The following HSPA12A variants were observed in gnomAD, a reference collection of about 807,000 sequenced individuals.
The protein encoded by HSPA12A is heat shock 70 kDa protein 12A.
In HSPA12A, 28 loss-of-function variants were observed where a neutral mutation model predicts 69.2. That is an observed-to-expected ratio of 0.40 (90% CI 0.30 to 0.55). HSPA12A has a LOEUF of 0.55. Among genes scored for constraint, HSPA12A ranks in the 20% least tolerant of loss-of-function variants. HSPA12A has a pLI of 0.38. For synonymous variants in HSPA12A, 345 were observed against 370.5 expected (o/e 0.93, Z 0.79); for missense variants, 686 against 900.7 (o/e 0.76, Z 3.05).
chr10:116,763,063 A>G (rs1844006143), intron 2 of HSPA12A, among the ~76,000 whole-genome samples: 1 of 152,210 alleles, frequency 6.6e-6, no homozygotes, highest in Non-Finnish European at 1.5e-5. Context: ...TCTTAAGGAC[A>G]GTAGCTACAT....
intron 1 of HSPA12A, among the ~76,000 whole-genome samples, chr10:116,742,138 C>A (rs1325489720): frequency 6.6e-6 from 1 of 151,990 alleles, no homozygotes; most frequent in Non-Finnish European, 1.5e-5. Context: ...GCAGGAGGCG[C>A]CACCCGAGGC....
intron 2 of HSPA12A, among the ~76,000 whole-genome samples, chr10:116,783,611 G>T (rs1423555303): frequency 6.6e-6 from 1 of 152,196 alleles, no homozygotes; most frequent in Non-Finnish European, 1.5e-5. Context: ...CATAAACTGG[G>T]GCACATTCTT....
intron 5 of HSPA12A, chr10:116,698,111 A>G (rs1432816818): frequency 1.3e-5 from 2 of 152,372 alleles, no homozygotes; most frequent in South Asian, 2.1e-4. Context: ...TTCTCCATTC[A>G]TCAGTGGATG....
intron 2 of HSPA12A, among the ~76,000 whole-genome samples, chr10:116,770,202 C>A (rs1589695065): frequency 6.6e-6 from 1 of 152,290 alleles, no homozygotes; most frequent in Admixed American, 6.5e-5. Flanking sequence ...CATGGTCACA[C>A]AGACACCAAA....
upstream of HSPA12A, among the ~76,000 whole-genome samples, chr10:116,743,006 C>A (rs1564805540): frequency 6.6e-6 from 1 of 152,220 alleles, no homozygotes; most frequent in East Asian, 2.0e-4. Flanking sequence ...GTCTGTCCCC[C>A]AGGGTCCCAG....
chr10:116,821,607 T>G (rs1845410379), intron 2 of HSPA12A, among the ~76,000 whole-genome samples: 1 of 152,274 alleles, frequency 6.6e-6, no homozygotes, highest in African/African-American at 2.4e-5. Context: ...GGCAGGGATT[T>G]GTACTTTTAT....
intron 1 of HSPA12A, among the ~76,000 whole-genome samples, chr10:116,711,530 C>T (rs1443380735): frequency 1.3e-5 from 2 of 152,092 alleles, no homozygotes; most frequent in African/African-American, 4.8e-5. Flanking sequence ...CAGCACCGTT[C>T]CAAGTAGATT....
At chr10:116,829,012 A>G (rs1845562148) in intron 2 of HSPA12A, 1 of 152,164 alleles carries the variant, frequency 6.6e-6, no homozygotes, top group Non-Finnish European at 1.5e-5. Context: ...CATTTTTAAG[A>G]GAGAAGTTTG....
chr10:116,745,158 G>A (rs1554887717), upstream of HSPA12A, among the ~76,000 whole-genome samples: 1 of 152,270 alleles, frequency 6.6e-6, no homozygotes, highest in Non-Finnish European at 1.5e-5. Flanking sequence ...AGTCCCAGGA[G>A]AGCAAGATCG....
chr10:116,818,933 T>C lies in HSPA12A; in HGVS notation c.91+16002A>G, dbSNP rs961438719. 1.2e-3 allele frequency among the ~76,000 whole-genome samples: 176 copies of C among 152,262 alleles called. 1 individual carries two copies. The highest frequency in any genetic ancestry group is 5.9e-5 in the Non-Finnish European group (4 of 68,024). ...AAGGGCACCCTTCCTGCTTCCAGGC[T>C]TGTACCTTGACCTTCTCTGTTAACC... On this transcript the variant is annotated intron_variant, in intron 2 of 12. Transcript: ENST00000635765.
chr10:116,806,921 AC>A (rs1299592672), intron 2 of HSPA12A, among the ~76,000 whole-genome samples: 2 of 152,208 alleles, frequency 1.3e-5, no homozygotes, highest in Non-Finnish European at 2.9e-5. Flanking sequence ...GTCCTGGGTT[AC>A]CCAGTTATAA....
chr10:116,763,047 C>T (rs532283593), intron 2 of HSPA12A, among the ~76,000 whole-genome samples: 72 of 152,222 alleles, frequency 4.7e-4, no homozygotes, highest in Non-Finnish European at 6.3e-4. Context: ...CACTCAGCTG[C>T]CACCATCTTA....
intron 5 of HSPA12A, among the ~76,000 whole-genome samples, chr10:116,692,798 T>C (rs1452595839): frequency 6.6e-6 from 1 of 152,204 alleles, no homozygotes; most frequent in African/African-American, 2.4e-5. Context: ...GTGGGGATTA[T>C]AATGCCAAGC....
rs1554877369 is a variant in HSPA12A, at chr10:116,675,008, T to G, written c.1801A>C (p.Asn601His). 1 of 1,614,086 alleles carries G rather than the reference T, an allele frequency of 6.2e-7. No individual in the cohort carries two copies. The highest frequency in any genetic ancestry group is 1.7e-5 in the Admixed American group (1 of 60,024). The change falls in exon 12 of 12, where the codon AAC becomes CAC. Residue 601 changes from asparagine (N) to histidine (H), a missense_variant. Coordinates refer to ENST00000369209, the MANE Select transcript of HSPA12A (RefSeq NM_025015.3). This position sits in a 1 kb window ranked among gnomAD's most constrained non-coding sequence, Gnocchi z 5.2. Reference protein sequence around the residue: ...AKPSQLVIVINIYSSEHDNVS... With the variant: ...AKPSQLVIVIHIYSSEHDNVS... ...TTGTCGTGCTCAGAGCTGTAGATGT[T>G]GATGACAATGACCAGCTGGGAGGGC...
chr10:116,717,937 C>T (rs1309966017), intron 1 of HSPA12A, among the ~76,000 whole-genome samples: 1 of 152,116 alleles, frequency 6.6e-6, no homozygotes, highest in Non-Finnish European at 1.5e-5. Context: ...CCCAGTTTGC[C>T]CCCCAAGCTG....
chr10:116,736,172 G>C (rs1589672919), intron 1 of HSPA12A, among the ~76,000 whole-genome samples: 1 of 152,168 alleles, frequency 6.6e-6, no homozygotes, highest in Non-Finnish European at 1.5e-5. Flanking sequence ...ATCTCAATGA[G>C]TCATGGGCCC....
intron 1 of HSPA12A, among the ~76,000 whole-genome samples, chr10:116,713,810 C>T (rs1456926297): frequency 5.3e-5 from 8 of 152,150 alleles, no homozygotes; most frequent in African/African-American, 1.7e-4. Context: ...CACTCCTCAA[C>T]CTTACAGCCC....
At chr10:116,726,054 C>CACACACACA (rs781871627) in intron 1 of HSPA12A, among the ~76,000 whole-genome samples, 7 of 144,820 alleles carry the variant, frequency 4.8e-5, no homozygotes, top group Non-Finnish European at 8.8e-5. Flanking sequence ...CACACACACA[C>CACACACACA]AACAGGCCAA....
intron 2 of HSPA12A, among the ~76,000 whole-genome samples, chr10:116,763,811 G>A (rs1427818855): frequency 6.6e-6 from 1 of 152,206 alleles, no homozygotes; most frequent in Non-Finnish European, 1.5e-5. Flanking sequence ...GGACAGCATA[G>A]ACTGAAGCTT....
Sources: gnomAD v4.1 joint callset for allele counts (sites outside exome capture counted in the v4.1 genomes callset) on GRCh38, gnomAD v4.1.1 for gene constraint, Gnocchi (gnomAD v3.1) non-coding constraint, MANE v1.5 for transcripts, NCBI Gene and HGNC (gene_info 2026-07-23, HGNC 2026-07-21) for gene names.